Variants in LPGAT1 observed in about 807,000 individuals in gnomAD.
LPGAT1 encodes lysophosphatidylglycerol acyltransferase 1.
Under a neutral mutation model 47.5 loss-of-function variants are expected in LPGAT1, and 11 were observed. That is an observed-to-expected ratio of 0.23 (90% CI 0.15 to 0.38). The LOEUF is 0.38. LPGAT1 is among the 10% of genes least tolerant of loss of function. The pLI is 1.00. For synonymous variants in LPGAT1, 138 were observed against 144.2 expected (o/e 0.96, Z 0.31); for missense variants, 293 against 439.0 (o/e 0.67, Z 2.97).
chr1:211,775,879 C>T (rs910084602), intron 6 of LPGAT1, among the ~76,000 whole-genome samples: 1 of 145,674 alleles, frequency 6.9e-6, no homozygotes, highest in Non-Finnish European at 1.5e-5. Flanking sequence ...TACGGTGAGT[C>T]GAGATCACAC....
rs1465580488 is a variant in LPGAT1 at position 211,743,750 on chromosome 1, C to T, written c.*6149G>A. ...TCCCCAGTCTGTTCCTTGTCTTCCACAGAAAGTAGTTCCAGGGGAAAAAGA... is the reference window on the plus strand; with the variant it reads ...TCCCCAGTCTGTTCCTTGTCTTCCATAGAAAGTAGTTCCAGGGGAAAAAGA... On this transcript the variant is annotated 3_prime_UTR_variant, in exon 8 of 8. Transcript: ENST00000366997. 1 of 152,088 alleles carries T rather than the reference C, an allele frequency of 6.6e-6. No individual in the cohort carries two copies. The highest frequency in any genetic ancestry group is 1.5e-5 in the Non-Finnish European group (1 of 68,020). The allele number at this position is 152,088 out of a possible 1,614,324, so 9.4% of individuals were successfully genotyped here.
At chr1:211,787,594 C>T in intron 4 of LPGAT1, 38 bp downstream of exon 4, 1 of 1,100,564 alleles carries the variant, frequency 9.1e-7, no homozygotes, top group Non-Finnish European at 1.3e-6. Context: ...TCAATTTGAC[C>T]AGGCTATCAC....
chr1:211,750,099 C>A (rs116403042), intron 7 of LPGAT1, 49 bp from the exon 8 acceptor site: 31,745 of 1,530,220 alleles, frequency 0.021, 393 homozygotes, highest in Non-Finnish European at 0.024. Context: ...AATGGTAGGT[C>A]TCCTGGAATA....
intron 5 of LPGAT1, among the ~76,000 whole-genome samples, chr1:211,782,275 G>A (rs1658673558): frequency 6.6e-6 from 1 of 151,960 alleles, no homozygotes; most frequent in Admixed American, 6.6e-5. Context: ...CAATTTTTTG[G>A]CTATTATAAA....
intron 2 of LPGAT1, among the ~76,000 whole-genome samples, chr1:211,808,484 C>T (rs966825698): frequency 2.0e-5 from 3 of 151,952 alleles, no homozygotes; most frequent in African/African-American, 4.8e-5. Context: ...AGATGTTCAA[C>T]ATCATTAGCC....
chr1:211,812,001 C>T (rs759824908), intron 2 of LPGAT1, among the ~76,000 whole-genome samples: 2 of 152,222 alleles, frequency 1.3e-5, no homozygotes, highest in African/African-American at 4.8e-5. Flanking sequence ...GTGCACATTA[C>T]CTAACTTCCA....
chr1:211,770,715 C>G (rs942960528), intron 6 of LPGAT1, among the ~76,000 whole-genome samples: 5 of 152,122 alleles, frequency 3.3e-5, no homozygotes, highest in African/African-American at 1.2e-4. Context: ...ATATCCTAGG[C>G]CTTCACATTC....
In LPGAT1 at chr1:211,830,016, C is replaced by A. The variant is rs528187096; in HGVS notation, c.-28+557G>T. ...CCAGAAAGAGGTAAAAGCCAAGGAA[C>A]TGGGGATGAAGAGAATGAGATTTCC... On this transcript the variant is annotated intron_variant, in intron 1 of 7. Transcript: ENST00000366997. The surrounding 1 kb of genome is among the most constrained non-coding windows in gnomAD (Gnocchi z 5.9). 12 of 985,676 alleles carry A rather than the reference C, an allele frequency of 1.2e-5. No homozygotes were observed. Among genetic ancestry groups the A allele is most frequent in the African/African-American group, 1.7e-5 (1 of 57,196 alleles). 61.1% of individuals were successfully genotyped at this position (985,676 alleles called of 1,614,324 possible).
rs538890878 is a variant in LPGAT1, at chr1:211,757,633, A to G, written c.855-6566T>C. ...GACTATTTTCATATAGTCAGATAAT[A>G]AAGTCAATACCAAGAATTTAAAAGA... On this transcript the variant is annotated intron_variant, in intron 6 of 7. Transcript: ENST00000366997. Among the ~76,000 whole-genome samples, 48 of 152,312 alleles carry G rather than the reference A, an allele frequency of 3.2e-4. 1 individual carries two copies. The highest frequency in any genetic ancestry group is 1.0e-3 in the South Asian group (5 of 4,824).
chr1:211,756,909 C>T (rs1156661144), intron 6 of LPGAT1, among the ~76,000 whole-genome samples: 1 of 128,058 alleles, frequency 7.8e-6, no homozygotes, highest in East Asian at 2.3e-4. Flanking sequence ...AGAGTCTTTG[C>T]TTTTTGGGCA....
chr1:211,823,885 A>G (rs1290643171), intron 2 of LPGAT1, among the ~76,000 whole-genome samples: 2 of 151,594 alleles, frequency 1.3e-5, no homozygotes, highest in Admixed American at 1.3e-4. Context: ...GGCTGCAGTG[A>G]GCTAAGATCT....
chr1:211,786,913 G>A (rs1397661286), intron 4 of LPGAT1, among the ~76,000 whole-genome samples: 2 of 152,130 alleles, frequency 1.3e-5, no homozygotes, highest in African/African-American at 4.8e-5. Context: ...ACTGTTCTGA[G>A]TGCTTTATAG....
chr1:211,787,407 G>C (rs1355982203), intron 4 of LPGAT1, among the ~76,000 whole-genome samples: 1 of 148,154 alleles, frequency 6.7e-6, no homozygotes, highest in Non-Finnish European at 1.5e-5. Context: ...AGAATCACTT[G>C]AACCCAGGAA....
At chr1:211,785,543 T>C (rs146084484) in intron 4 of LPGAT1, among the ~76,000 whole-genome samples, 368 of 151,920 alleles carry the variant, frequency 2.4e-3, no homozygotes, top group African/African-American at 8.5e-3. Context: ...CACAAGAAAA[T>C]ATTTTGGAGT....
At chr1:211,824,302 A>G (rs1473298120) in intron 2 of LPGAT1, among the ~76,000 whole-genome samples, 5 of 152,162 alleles carry the variant, frequency 3.3e-5, no homozygotes, top group African/African-American at 1.2e-4. Context: ...AGGCTGACAC[A>G]TGAGAATCAC....
At chr1:211,781,404 A>G (rs1361326086) in intron 5 of LPGAT1, among the ~76,000 whole-genome samples, 1 of 152,218 alleles carries the variant, frequency 6.6e-6, no homozygotes, top group Non-Finnish European at 1.5e-5. Context: ...TCCTGTTTGG[A>G]AGACATTTGC....
chr1:211,826,302 C>T (rs1041500597), intron 2 of LPGAT1, among the ~76,000 whole-genome samples: 1 of 152,116 alleles, frequency 6.6e-6, no homozygotes, highest in African/African-American at 2.4e-5. Context: ...CAAAAAAAAT[C>T]TGTTTAGAAC....
chr1:211,806,669 A>G (rs558535018), intron 2 of LPGAT1, among the ~76,000 whole-genome samples: 13 of 152,220 alleles, frequency 8.5e-5, no homozygotes, highest in Non-Finnish European at 4.4e-5. Context: ...CAAAAATTTA[A>G]CAAATAAAAT....
At chr1:211,777,984 C>G (rs1412526540) in intron 6 of LPGAT1, among the ~76,000 whole-genome samples, 3 of 152,216 alleles carry the variant, frequency 2.0e-5, no homozygotes, top group Non-Finnish European at 4.4e-5. Flanking sequence ...TATGCTCCCA[C>G]CAGTGCCATC....
Sources: gnomAD v4.1 joint callset for allele counts (sites outside exome capture counted in the v4.1 genomes callset) on GRCh38, gnomAD v4.1.1 for gene constraint, Gnocchi (gnomAD v3.1) non-coding constraint, MANE v1.5 for transcripts, NCBI Gene and HGNC (gene_info 2026-07-23, HGNC 2026-07-21) for gene names.